Variants in NFATC3 observed in about 807,000 individuals in gnomAD.
The protein encoded by NFATC3 is nuclear factor of activated T cells 3.
NFATC3 carries 46 observed loss-of-function variants against 98.6 expected under a neutral mutation model. The observed-to-expected ratio is 0.47, with a 90% CI of 0.37 to 0.60. The LOEUF is 0.60. NFATC3 is among the 20% of genes least tolerant of loss of function. NFATC3 has a pLI of 0.00. For missense variants in NFATC3, 1,256 were observed against 1,295.5 expected (o/e 0.97, Z 0.47); for synonymous variants, 512 against 472.2 (o/e 1.08, Z -1.09).
chr16:68,154,397 C>T (rs2038501895), intron 3 of NFATC3, among the ~76,000 whole-genome samples: 1 of 152,092 alleles, frequency 6.6e-6, no homozygotes, highest in South Asian at 2.1e-4. Flanking sequence ...ATGATCCTGC[C>T]TCCACCCTAG....
chr16:68,143,035 C>T (rs2037838404), intron 3 of NFATC3, among the ~76,000 whole-genome samples: 1 of 151,598 alleles, frequency 6.6e-6, no homozygotes, highest in African/African-American at 2.4e-5. Context: ...AGTTGGAGAC[C>T]AGCGTGAGCA....
chr16:68,189,026 A>G (rs1331512409), intron 8 of NFATC3, among the ~76,000 whole-genome samples: 1 of 152,070 alleles, frequency 6.6e-6, no homozygotes, highest in Non-Finnish European at 1.5e-5. Flanking sequence ...ATTCTTTTAC[A>G]TGTTGATATC....
chr16:68,136,904 T>C (rs1291610233), intron 3 of NFATC3, among the ~76,000 whole-genome samples: 1 of 152,186 alleles, frequency 6.6e-6, no homozygotes, highest in Non-Finnish European at 1.5e-5. Flanking sequence ...TAAGAAAATA[T>C]GGTATAAAAT....
intron 9 of NFATC3, chr16:68,214,330 C>A (rs2041545181): frequency 3.7e-6 from 6 of 1,613,918 alleles, no homozygotes; most frequent in Non-Finnish European, 5.1e-6. Flanking sequence ...TTGACACAGA[C>A]CAATTTATAT....
At chr16:68,088,430 C>T (rs1313809625) in intron 1 of NFATC3, among the ~76,000 whole-genome samples, 1 of 142,702 alleles carries the variant, frequency 7.0e-6, no homozygotes, top group Non-Finnish European at 1.5e-5. Context: ...ATTATATACT[C>T]ATATACTATA....
intron 3 of NFATC3, among the ~76,000 whole-genome samples, chr16:68,140,663 T>C (rs1455930914): frequency 6.6e-6 from 1 of 151,986 alleles, no homozygotes; most frequent in African/African-American, 2.4e-5. Context: ...TTTTTTTAAA[T>C]TGGAGATATT....
At chr16:68,109,576 A>G (rs567633839) in intron 1 of NFATC3, among the ~76,000 whole-genome samples, 1 of 152,272 alleles carries the variant, frequency 6.6e-6, no homozygotes, top group South Asian at 2.1e-4. Context: ...TATCAGGATA[A>G]TGCTGGCCTC....
At chr16:68,169,355 G>A (rs911088053) in intron 5 of NFATC3, among the ~76,000 whole-genome samples, 7 of 151,610 alleles carry the variant, frequency 4.6e-5, no homozygotes, top group East Asian at 2.0e-4. Context: ...TGCAGCCTCC[G>A]CCTCCCAGGC....
chr16:68,106,860 A>G (rs1372592761), intron 1 of NFATC3, among the ~76,000 whole-genome samples: 1 of 151,828 alleles, frequency 6.6e-6, no homozygotes, highest in African/African-American at 2.4e-5. Flanking sequence ...GCCATTACCT[A>G]AGTGTTAAGC....
intron 5 of NFATC3, among the ~76,000 whole-genome samples, chr16:68,173,658 T>C (rs564874937): frequency 2.0e-5 from 3 of 152,242 alleles, no homozygotes; most frequent in Non-Finnish European, 2.9e-5. Flanking sequence ...TTCTCTTCAT[T>C]GCACGCAATA....
chr16:68,089,557 T>C (rs955214757), intron 1 of NFATC3: 25 of 152,488 alleles, frequency 1.6e-4, no homozygotes, highest in Non-Finnish European at 2.6e-4. Context: ...CTTGTTTTTT[T>C]AAATATGACA....
chr16:68,098,325 G>T, intron 1 of NFATC3, among the ~76,000 whole-genome samples: 1 of 122,206 alleles, frequency 8.2e-6, no homozygotes, highest in South Asian at 2.5e-4. Context: ...TTTTTAGATG[G>T]AGTCTCACTC....
At chr16:68,215,788 T>C (rs995783329) in intron 9 of NFATC3, among the ~76,000 whole-genome samples, 3 of 141,818 alleles carry the variant, frequency 2.1e-5, no homozygotes, top group Admixed American at 7.6e-5. Context: ...AGTGCAGTGG[T>C]GCGATCTCCG....
At chr16:68,189,910 A>G (rs2040364936) in intron 8 of NFATC3, among the ~76,000 whole-genome samples, 2 of 152,142 alleles carry the variant, frequency 1.3e-5, no homozygotes, top group South Asian at 4.1e-4. Flanking sequence ...CAAAAAATAA[A>G]CATGAGCATG....
At chr16:68,214,616 G>T (rs1267532325) in intron 9 of NFATC3, among the ~76,000 whole-genome samples, 1 of 152,134 alleles carries the variant, frequency 6.6e-6, no homozygotes, top group Non-Finnish European at 1.5e-5. Context: ...ACCACACTCA[G>T]GCTCTTACAC....
At chr16:68,126,933 G>C (rs935838410) in intron 3 of NFATC3, among the ~76,000 whole-genome samples, 16 of 152,112 alleles carry the variant, frequency 1.1e-4, no homozygotes, top group African/African-American at 3.9e-4. Flanking sequence ...ATTTAATACA[G>C]GCCGGGCACG....
intron 4 of NFATC3, among the ~76,000 whole-genome samples, chr16:68,162,851 G>C (rs1252138628): frequency 1.3e-5 from 2 of 151,860 alleles, no homozygotes; most frequent in Non-Finnish European, 2.9e-5. Flanking sequence ...ATAAACAAGT[G>C]AACAAAGGTC....
At chr16:68,101,609 A>G (rs1598359459) in intron 1 of NFATC3, among the ~76,000 whole-genome samples, 1 of 150,836 alleles carries the variant, frequency 6.6e-6, no homozygotes, top group South Asian at 2.1e-4. Context: ...TCAGCCTCCC[A>G]AGTAGCTGGG....
rs774708863 is a variant in NFATC3 at position 68,178,039 on chromosome 16, A to C, written c.1916-3436A>C. On this transcript the variant is annotated intron_variant, in intron 6 of 9. Coordinates refer to ENST00000346183, the MANE Select transcript of NFATC3 (RefSeq NM_173165.3). Reference sequence around the variant, plus strand: ...TATTCTTGTTTGTTTTTTTATACGAATTTTTCTGGCTCTTAAATATAGATG... The same window carrying C: ...TATTCTTGTTTGTTTTTTTATACGACTTTTTCTGGCTCTTAAATATAGATG... Among the ~76,000 whole-genome samples, 24 of 151,490 alleles carry C rather than the reference A, an allele frequency of 1.6e-4. 1 individual carries two copies. Among genetic ancestry groups the C allele is most frequent in the Non-Finnish European group, 2.4e-4 (16 of 67,868 alleles).
Sources: gnomAD v4.1 joint callset for allele counts (sites outside exome capture counted in the v4.1 genomes callset) on GRCh38, gnomAD v4.1.1 for gene constraint, MANE v1.5 for transcripts, NCBI Gene and HGNC (gene_info 2026-07-23, HGNC 2026-07-21) for gene names.